Variants in MND1 observed in about 807,000 individuals in gnomAD.
The protein encoded by MND1 is meiotic nuclear division protein 1 homolog.
In MND1, 28 loss-of-function variants were observed where a neutral mutation model predicts 35.1. The observed-to-expected ratio is 0.80, with a 90% CI of 0.59 to 1.09. MND1 has a LOEUF of 1.09. Among genes scored for constraint, MND1 ranks in the 50% least tolerant of loss-of-function variants. MND1 has a pLI of 0.00. For synonymous variants in MND1, 69 were observed against 70.5 expected, an observed-to-expected ratio of 0.98 and a Z score of 0.11; for missense variants, 213 against 239.6, an observed-to-expected ratio of 0.89 and a Z score of 0.73.
chr4:153,377,695 G>C lies in MND1; in HGVS notation c.277-16567G>C, dbSNP rs554927263. On this transcript the variant is annotated intron_variant, in intron 4 of 7. Transcript: ENST00000240488. ...GAGACGTGTAAGTTGGTGCTAGAAA[G>C]ATCTGTGGGAGCTCATAAGGGAATT... 5.9e-5 allele frequency among the ~76,000 whole-genome samples: 9 copies of C among 152,326 alleles called. No homozygotes were observed. The South Asian group carries it at 1.2e-3, about 21-fold the overall frequency.
At chr4:153,377,760 T>C (rs1356526982) in intron 4 of MND1, among the ~76,000 whole-genome samples, 1 of 152,020 alleles carries the variant, frequency 6.6e-6, no homozygotes, top group African/African-American at 2.4e-5. Context: ...TTTAAGGGAG[T>C]AGACTCTAGA....
intron 4 of MND1, chr4:153,362,897 C>A: frequency 1.8e-6 from 1 of 566,380 alleles, no homozygotes; most frequent in Non-Finnish European, 2.2e-6. Flanking sequence ...ACAGTTCCAC[C>A]GCCTCATGTT....
At chr4:153,397,653 CA>C (rs11392102) in intron 6 of MND1, among the ~76,000 whole-genome samples, 4 of 145,590 alleles carry the variant, frequency 2.7e-5, no homozygotes, top group East Asian at 4.0e-4. Context: ...CCCATCTCTA[CA>C]AAAAAAAAAC....
intron 4 of MND1, among the ~76,000 whole-genome samples, chr4:153,390,735 C>A (rs1728997711): frequency 6.6e-6 from 1 of 151,958 alleles, no homozygotes; most frequent in East Asian, 1.9e-4. Context: ...GTGGTTCCAG[C>A]TACTTGGGAG....
chr4:153,345,737 T>C (rs1341359461), intron 1 of MND1, among the ~76,000 whole-genome samples: 1 of 152,246 alleles, frequency 6.6e-6, no homozygotes, highest in East Asian at 1.9e-4. Context: ...TTTGAAGATA[T>C]TTGTCCAGAT....
chr4:153,345,960 T>C (rs1394508319), intron 1 of MND1, among the ~76,000 whole-genome samples: 1 of 102,482 alleles, frequency 9.8e-6, no homozygotes, highest in East Asian at 3.0e-4. Flanking sequence ...TTTTACCTAA[T>C]CTATCTCTCT....
chr4:153,386,166 G>T (rs1422928565), intron 4 of MND1, among the ~76,000 whole-genome samples: 1 of 151,708 alleles, frequency 6.6e-6, no homozygotes, highest in Non-Finnish European at 1.5e-5. Context: ...ACATTGAAGT[G>T]TTTTGTTTTT....
At chr4:153,389,666 C>T (rs1728966506) in intron 4 of MND1, among the ~76,000 whole-genome samples, 1 of 152,042 alleles carries the variant, frequency 6.6e-6, no homozygotes, top group Admixed American at 6.6e-5. Context: ...CAGCCCATGC[C>T]TTTTTAAAAG....
At chr4:153,393,098 G>A (rs952719367) in intron 4 of MND1, among the ~76,000 whole-genome samples, 3 of 152,046 alleles carry the variant, frequency 2.0e-5, no homozygotes, top group Non-Finnish European at 4.4e-5. Context: ...CAGCCTGGGT[G>A]CCAGAGTGAG....
chr4:153,404,687 C>T (rs1165189786), intron 6 of MND1, among the ~76,000 whole-genome samples: 2 of 151,450 alleles, frequency 1.3e-5, no homozygotes, highest in African/African-American at 4.9e-5. Context: ...CCATGTTGGC[C>T]AGGCTTGTCT....
At chr4:153,400,705 CTG>C (rs1031339985) in intron 6 of MND1, among the ~76,000 whole-genome samples, 37 of 152,170 alleles carry the variant, frequency 2.4e-4, no homozygotes, top group African/African-American at 8.9e-4. Context: ...GAGTGAGACC[CTG>C]TTTCTTGAAA....
At chr4:153,388,083 A>G (rs1034847212) in intron 4 of MND1, among the ~76,000 whole-genome samples, 2 of 152,186 alleles carry the variant, frequency 1.3e-5, no homozygotes, top group Admixed American at 6.5e-5. Flanking sequence ...CCTCCAGGCA[A>G]TGAATTAGCC....
chr4:153,393,360 ATTTC>A (rs1277535051), intron 4 of MND1, among the ~76,000 whole-genome samples: 3 of 147,742 alleles, frequency 2.0e-5, no homozygotes, highest in Admixed American at 1.3e-4. Context: ...TTCAAATTCA[ATTTC>A]TTTCTTTTTT....
At chr4:153,392,961 AATT>A (rs1729087018) in intron 4 of MND1, among the ~76,000 whole-genome samples, 1 of 152,084 alleles carries the variant, frequency 6.6e-6, no homozygotes, top group Non-Finnish European at 1.5e-5. Context: ...CTCTAGAAAA[AATT>A]ATTAAAATAG....
intron 2 of MND1, among the ~76,000 whole-genome samples, chr4:153,351,589 A>G (rs888429357): frequency 2.6e-5 from 4 of 152,252 alleles, no homozygotes; most frequent in African/African-American, 4.8e-5. Context: ...GTTGATGAAT[A>G]TTAGATTTGC....
intron 4 of MND1, among the ~76,000 whole-genome samples, chr4:153,370,238 C>T (rs2149640018): frequency 6.6e-6 from 1 of 152,120 alleles, no homozygotes; most frequent in East Asian, 1.9e-4. Flanking sequence ...GCTGAGATCA[C>T]ACCACTGCGC....
intron 4 of MND1, among the ~76,000 whole-genome samples, chr4:153,366,787 A>T (rs907967216): frequency 4.6e-5 from 7 of 152,224 alleles, no homozygotes; most frequent in Admixed American, 1.3e-4. Context: ...CTGGCAGTGA[A>T]CCATGGTCCT....
intron 6 of MND1, among the ~76,000 whole-genome samples, chr4:153,408,452 A>G (rs1393476409): frequency 6.6e-6 from 1 of 151,888 alleles, no homozygotes; most frequent in East Asian, 1.9e-4. Flanking sequence ...ATACATACAG[A>G]TACATTTGAT....
At chr4:153,363,766 A>G (rs17029900) in intron 4 of MND1, among the ~76,000 whole-genome samples, 2,621 of 152,314 alleles carry the variant, frequency 0.017, 69 homozygotes, top group African/African-American at 0.057. Context: ...GGAAATTTTT[A>G]CCAGAGAAGT....
Sources: gnomAD v4.1 joint callset for allele counts (sites outside exome capture counted in the v4.1 genomes callset) on GRCh38, gnomAD v4.1.1 for gene constraint, MANE v1.5 for transcripts, NCBI Gene and HGNC (gene_info 2026-07-23, HGNC 2026-07-21) for gene names.